CAPZB: variants seen among roughly 807,000 people sequenced by gnomAD.
CAPZB encodes the protein capping actin protein of muscle Z-line subunit beta.
In CAPZB, 2 loss-of-function variants were observed where a neutral mutation model predicts 38.1. That is an observed-to-expected ratio of 0.05 (90% CI 0.02 to 0.17). CAPZB has a LOEUF of 0.17. Among genes scored for constraint, CAPZB ranks in the 10% least tolerant of loss-of-function variants. The probability of loss-of-function intolerance (pLI) is 1.00; values close to 1 mark genes in which losing one functional copy is unlikely to be tolerated. For synonymous variants in CAPZB, 107 were observed against 127.4 expected (o/e 0.84, Z 1.08); for missense variants, 161 against 334.2 (o/e 0.48, Z 4.04).
At chr1:19,441,668 G>C (rs116476241) in intron 1 of CAPZB, among the ~76,000 whole-genome samples, 9,209 of 145,916 alleles carry the variant, frequency 0.063, 949 homozygotes, top group African/African-American at 0.22. Flanking sequence ...CAGTGTAGAA[G>C]GCAGACAGAG....
At chr1:19,349,766 G>A (rs551044447) in intron 6 of CAPZB, among the ~76,000 whole-genome samples, 40 of 152,214 alleles carry the variant, frequency 2.6e-4, no homozygotes, top group African/African-American at 4.8e-4. Flanking sequence ...AAATGGCCAC[G>A]CAGCGGCTGG....
Position 19,356,094 on chromosome 1 carries a change from G to A in CAPZB, c.588+541C>T, listed in dbSNP as rs1416138140. Among the ~76,000 whole-genome samples the A allele has an allele frequency of 6.6e-6, 1 of 152,180 alleles. No individual in the cohort carries two copies. On this transcript the variant is annotated intron_variant, in intron 6 of 8. Transcript: ENST00000264202. This position sits in a 1 kb window ranked among gnomAD's most constrained non-coding sequence, Gnocchi z 4.3. Reference sequence around the variant, plus strand: ...AGTAGGGCACTTCTGAAATTTCAATGTGCACACATTACCTGGGCAATTTTG... The same window carrying A: ...AGTAGGGCACTTCTGAAATTTCAATATGCACACATTACCTGGGCAATTTTG...
At chr1:19,429,151 CCT>C (rs760561976) in intron 1 of CAPZB, among the ~76,000 whole-genome samples, 4 of 152,162 alleles carry the variant, frequency 2.6e-5, no homozygotes, top group Non-Finnish European at 4.4e-5. Flanking sequence ...GGAACAGCAC[CCT>C]GTGTCTGCTT....
chr1:19,392,528 T>TAAAAAAAAAA (rs58626568), intron 2 of CAPZB, among the ~76,000 whole-genome samples: 1 of 129,458 alleles, frequency 7.7e-6, no homozygotes. Flanking sequence ...TCTTAAGAAT[T>TAAAAAAAAAA]AAAAAAAAAA....
intron 2 of CAPZB, among the ~76,000 whole-genome samples, chr1:19,396,401 C>T (rs1570121866): frequency 6.6e-6 from 1 of 152,168 alleles, no homozygotes; most frequent in African/African-American, 2.4e-5. Context: ...GGGAGACAGA[C>T]CGAAACTTGA....
chr1:19,454,202 G>A (rs575377229), intron 1 of CAPZB, among the ~76,000 whole-genome samples: 1 of 152,258 alleles, frequency 6.6e-6, no homozygotes, highest in East Asian at 1.9e-4. Context: ...TAAAAGGCAG[G>A]CAAGACTGGC....
At chr1:19,438,821 C>G (rs2094466558) in intron 1 of CAPZB, among the ~76,000 whole-genome samples, 1 of 152,232 alleles carries the variant, frequency 6.6e-6, no homozygotes, top group African/African-American at 2.4e-5. Flanking sequence ...GACTCCCCAC[C>G]GGGGCCGGCG....
intron 1 of CAPZB, among the ~76,000 whole-genome samples, chr1:19,460,726 C>T (rs2094548702): frequency 6.6e-6 from 1 of 151,832 alleles, no homozygotes; most frequent in Non-Finnish European, 1.5e-5. Context: ...CGGTACTAAC[C>T]GCAGTTTCAG....
chr1:19,354,811 G>A (rs1258159403), intron 6 of CAPZB, among the ~76,000 whole-genome samples: 2 of 152,246 alleles, frequency 1.3e-5, no homozygotes, highest in African/African-American at 4.8e-5. Context: ...TCTGGATACA[G>A]ATTCAGGATT....
At chr1:19,382,496 C>T (rs1167993581) in intron 3 of CAPZB, among the ~76,000 whole-genome samples, 1 of 152,146 alleles carries the variant, frequency 6.6e-6, no homozygotes, top group Admixed American at 6.5e-5. Flanking sequence ...AACCATCAAA[C>T]ACAGTCAGGA....
chr1:19,342,635 CGTGGGG>C (rs2093936450), intron 8 of CAPZB: 1 of 687,312 alleles, frequency 1.5e-6, no homozygotes, highest in African/African-American at 1.8e-5. Context: ...CGGGAGCACA[CGTGGGG>C]GTTAGTGGTG....
intron 1 of CAPZB, among the ~76,000 whole-genome samples, chr1:19,469,076 A>T (rs1007992708): frequency 6.6e-6 from 1 of 152,304 alleles, no homozygotes; most frequent in Middle Eastern, 3.4e-3. Flanking sequence ...ACACAATATT[A>T]ATCAATGTCT....
chr1:19,386,253 G>A (rs571264849), intron 2 of CAPZB, among the ~76,000 whole-genome samples: 4 of 152,290 alleles, frequency 2.6e-5, no homozygotes, highest in African/African-American at 4.8e-5. Flanking sequence ...CCCCGCGGTC[G>A]GGGGCTGGCA....
chr1:19,340,669 AACG>A (rs2093923072), intron 8 of CAPZB, among the ~76,000 whole-genome samples: 1 of 146,574 alleles, frequency 6.8e-6, no homozygotes, highest in East Asian at 1.9e-4. Context: ...CCATCTCTAC[AACG>A]ACAACAACAA....
At chr1:19,405,828 A>G (rs1266055331) in intron 2 of CAPZB, among the ~76,000 whole-genome samples, 1 of 152,194 alleles carries the variant, frequency 6.6e-6, no homozygotes, top group African/African-American at 2.4e-5. Flanking sequence ...TGGAACATCA[A>G]TTCGAGAGCT....
In CAPZB at chr1:19,350,086, C is replaced by T. The variant is rs555366214; in HGVS notation, c.589-4834G>A. ...GTGTCCCCAGCAGGCGCCTCTCCTC[C>T]TCCCCATGGCCCTAACACAGGCAAG... On this transcript the variant is annotated intron_variant, in intron 6 of 8. Transcript: ENST00000264202. Among the ~76,000 whole-genome samples, 356 of 152,388 alleles carry T rather than the reference C, an allele frequency of 2.3e-3. 2 individuals are homozygous for T. The highest frequency in any genetic ancestry group is 8.5e-3 in the African/African-American group (352 of 41,592).
chr1:19,385,635 G>A lies in CAPZB; in HGVS notation c.94-9C>T, dbSNP rs765551537. On this transcript the variant is annotated splice_polypyrimidine_tract_variant and intron_variant, in intron 2 of 8. Coordinates refer to ENST00000264202, the MANE Select transcript of CAPZB (RefSeq NM_004930.5). ...TCACATAGACTGGGGACCTGGCAGA[G>A]AGAAAGGACAAGGTCGAAACAGAGG... The A allele has an allele frequency of 2.5e-6, 4 of 1,614,234 alleles. No individual in the cohort carries two copies. In the Admixed American group the frequency reaches 5.0e-5, roughly 20 times the overall value.
chr1:19,460,574 C>CT (rs35288971), intron 1 of CAPZB, among the ~76,000 whole-genome samples: 4,986 of 90,962 alleles, frequency 0.055, 550 homozygotes, highest in African/African-American at 0.19. Context: ...TGTGCCCAGG[C>CT]TTTTTTTTTT....
At chr1:19,479,461 T>C (rs1050867980) in intron 1 of CAPZB, among the ~76,000 whole-genome samples, 2 of 152,184 alleles carry the variant, frequency 1.3e-5, no homozygotes, top group African/African-American at 4.8e-5. Flanking sequence ...CTATCTAGGA[T>C]TTAGACTGAC....
Sources: gnomAD v4.1 joint callset for allele counts (sites outside exome capture counted in the v4.1 genomes callset) on GRCh38, gnomAD v4.1.1 for gene constraint, Gnocchi (gnomAD v3.1) non-coding constraint, MANE v1.5 for transcripts, NCBI Gene and HGNC (gene_info 2026-07-23, HGNC 2026-07-21) for gene names.